The following SLC44A2 variants were observed in gnomAD, a reference collection of about 807,000 sequenced individuals.
SLC44A2 encodes solute carrier family 44 member 2 (CTL2 blood group), also known as choline transporter-like protein 2.
SLC44A2 carries 57 observed loss-of-function variants against 90.8 expected under a neutral mutation model. The observed-to-expected ratio is 0.63, with a 90% confidence interval of 0.51 to 0.78. The LOEUF (loss-of-function observed/expected upper bound fraction) is 0.78. Among genes scored for constraint, SLC44A2 ranks in the 30% least tolerant of loss-of-function variants. SLC44A2 has a pLI of 0.00. For missense variants in SLC44A2, 794 were observed against 919.7 expected, an observed-to-expected ratio of 0.86 and a Z score of 1.77; for synonymous variants, 355 against 360.7, an observed-to-expected ratio of 0.98 and a Z score of 0.18.
upstream of SLC44A2, among the ~76,000 whole-genome samples, chr19:10,622,155 A>G (rs1009478278): frequency 1.3e-5 from 2 of 152,228 alleles, no homozygotes; most frequent in African/African-American, 4.8e-5. Flanking sequence ...CAGCTAGTGC[A>G]AAGGCCCTGA....
At chr19:10,604,714 G>A (rs970747828) in intron 1 of SLC44A2, among the ~76,000 whole-genome samples, 1 of 152,078 alleles carries the variant, frequency 6.6e-6, no homozygotes, top group Admixed American at 6.6e-5. Context: ...CACACTCACT[G>A]GTGGGGGAAG....
chr19:10,620,128 A>G (rs1401498554), intron 1 of SLC44A2, among the ~76,000 whole-genome samples: 1 of 151,988 alleles, frequency 6.6e-6, no homozygotes, highest in Non-Finnish European at 1.5e-5. Context: ...GTGAGCCAAG[A>G]TTGTTTCACC....
Position 10,637,859 on chromosome 19 carries a change from G to A in SLC44A2, c.1699G>A (p.Ala567Thr). ...TCTCCCTCCCACTCTCCTCCAGATT[G>A]CCATCTACGGCACCAATTTCTGCAC... ...FLNRNAYIMI[A>T]IYGTNFCTSA... Residue 567 changes from alanine to threonine, a missense_variant, in exon 18 of 22, where the codon GCC becomes ACC. Transcript: ENST00000335757. 6.2e-7 allele frequency: 1 copy of A among 1,614,076 alleles called. No individual in the cohort carries two copies. The highest frequency in any genetic ancestry group is 8.5e-7 in the Non-Finnish European group (1 of 1,180,018).
intron 1 of SLC44A2, among the ~76,000 whole-genome samples, chr19:10,613,581 T>TCATGCCTGTAGTTCAAG (rs1370387139): frequency 2.0e-5 from 3 of 152,110 alleles, no homozygotes; most frequent in Non-Finnish European, 4.4e-5. Flanking sequence ...GTGTAGTGGC[T>TCATGCCTGTAGTTCAAG]CATGCCTGTA....
intron 16 of SLC44A2, chr19:10,637,213 G>A (rs2067067061): frequency 1.4e-5 from 3 of 216,404 alleles, no homozygotes; most frequent in South Asian, 1.3e-4. Flanking sequence ...AGCCAGGCAT[G>A]GTGGTGTGTG....
At chr19:10,629,989 A>G (rs1250101569) in intron 4 of SLC44A2, among the ~76,000 whole-genome samples, 1 of 152,116 alleles carries the variant, frequency 6.6e-6, no homozygotes, top group East Asian at 1.9e-4. Flanking sequence ...TCCTGACCTC[A>G]GGTGATCCGC....
At chr19:10,615,626 AGGAAGG>A (rs1286961316) in intron 1 of SLC44A2, among the ~76,000 whole-genome samples, 5 of 147,836 alleles carry the variant, frequency 3.4e-5, no homozygotes, top group African/African-American at 1.0e-4. Flanking sequence ...GAAGAGGAAG[AGGAAGG>A]GGAGGGGTTG....
intron 1 of SLC44A2, among the ~76,000 whole-genome samples, chr19:10,620,008 C>CA (rs950559467): frequency 9.3e-5 from 14 of 150,850 alleles, no homozygotes; most frequent in Admixed American, 2.0e-4. Flanking sequence ...CCTGTCTCTA[C>CA]AAAAAAAAAT....
In SLC44A2 at chr19:10,631,927, C is replaced by T. The variant is rs1207993110; in HGVS notation, c.686C>T (p.Thr229Ile). Residue 229 changes from threonine (T) to isoleucine (I), a missense_variant, in exon 9 of 22, where the codon ACC (threonine) becomes ATC (isoleucine). Coordinates refer to ENST00000335757, the MANE Select transcript of SLC44A2 (RefSeq NM_020428.4). ...QLAMRIFEDY[T>I]VSWYWIIIGL... The stretch of plus-strand genomic sequence containing the variant: ...GCCATGCGCATATTTGAAGATTACA[C>T]CGTCTCTTGGTACTGGATTATCATG... 3.1e-6 allele frequency: 5 copies of T among 1,614,104 alleles called. No individual in the cohort carries two copies. The highest frequency in any genetic ancestry group is 4.2e-6 in the Non-Finnish European group (5 of 1,180,038).
At chr19:10,609,376 T>G (rs189933717) in intron 1 of SLC44A2, among the ~76,000 whole-genome samples, 74 of 152,198 alleles carry the variant, frequency 4.9e-4, no homozygotes, top group African/African-American at 1.6e-3. Flanking sequence ...CTCAGCTCAC[T>G]GCAACCTCCG....
intron 9 of SLC44A2, 43 bp from the exon 10 acceptor site, chr19:10,632,001 G>A (rs1244022876): frequency 1.2e-6 from 2 of 1,613,056 alleles, no homozygotes; most frequent in African/African-American, 2.7e-5. Flanking sequence ...CTCTAAGCCT[G>A]GCTGAGGGTG....
chr19:10,618,518 T>C (rs1257621600), intron 1 of SLC44A2, among the ~76,000 whole-genome samples: 15 of 130,860 alleles, frequency 1.1e-4, no homozygotes, highest in African/African-American at 4.2e-4. Flanking sequence ...CGTGCTCTGT[T>C]GCCCAGGCTG....
At position 10,643,113 on chromosome 19, in the gene SLC44A2, C is replaced by T. The variant is rs2067136318; in HGVS notation, c.2015-166C>T. 6.9e-6 allele frequency: 10 copies of T among 1,450,602 alleles called. No homozygotes were observed. In the East Asian group the frequency reaches 2.5e-4, roughly 36 times the overall value. The allele number at this position is 1,450,602 out of a possible 1,614,324, so 89.9% of individuals were successfully genotyped here. Reference sequence around the variant, plus strand: ...TTCCTGGCCTGCGAGTGTGGGGATCCTGTGTGTCCCTCGGAGCCCACTACA... The same window carrying T: ...TTCCTGGCCTGCGAGTGTGGGGATCTTGTGTGTCCCTCGGAGCCCACTACA... On this transcript the variant is annotated intron_variant, in intron 21 of 21. Transcript: ENST00000335757.
intron 1 of SLC44A2, among the ~76,000 whole-genome samples, chr19:10,613,273 G>A (rs1184744334): frequency 3.4e-4 from 51 of 148,158 alleles, no homozygotes; most frequent in African/African-American, 1.2e-3. Context: ...TTTTTGAGAT[G>A]GAGTCTTGCT....
chr19:10,637,750 G>T lies in SLC44A2; in HGVS notation c.1695+3G>T, dbSNP rs1353648272. On this transcript the variant is annotated splice_donor_region_variant and intron_variant, in intron 17 of 21. Coordinates refer to ENST00000335757, the MANE Select transcript of SLC44A2 (RefSeq NM_020428.4). ...TTAATAGGAATGCCTACATCATGGT[G>T]AGTGGGCCTGGGACCCCCAACCAAC... 2 of 1,613,420 alleles carry T rather than the reference G, an allele frequency of 1.2e-6. No homozygotes were observed. Among genetic ancestry groups the T allele is most frequent in the East Asian group, 4.5e-5 (2 of 44,886 alleles).
chr19:10,634,918 C>T (rs200012187), intron 11 of SLC44A2, 31 bp downstream of exon 11: 18 of 1,614,190 alleles, frequency 1.1e-5, no homozygotes, highest in Admixed American at 1.7e-5. Flanking sequence ...CCTGCCCCCA[C>T]ATGAGGCCTT....
In SLC44A2 at chr19:10,643,328, G is replaced by A. The variant is rs758919216; in HGVS notation, c.2064G>A (p.Met688Ile). Reference sequence around the variant, plus strand: ...GCTCGGCCGAGAGGCCTTACTTCATGTCTTCCACCCTCAAGAAACTCTTGA... The same window carrying A: ...GCTCGGCCGAGAGGCCTTACTTCATATCTTCCACCCTCAAGAAACTCTTGA... ...NDGSAERPYF[M>I]SSTLKKLLNK... Residue 688 changes from methionine (M) to isoleucine (I), a missense_variant, in exon 22 of 22, where the codon ATG becomes ATA. Around this residue, in one of 3 missense-constraint regions of SLC44A2, gnomAD observed 44 missense variants for 43.9 expected, o/e 1.00. Transcript: ENST00000335757. The A allele has an allele frequency of 6.2e-7, 1 of 1,612,630 alleles. No individual in the cohort carries two copies. The highest frequency in any genetic ancestry group is 1.7e-5 in the Admixed American group (1 of 59,844).
intron 1 of SLC44A2, among the ~76,000 whole-genome samples, chr19:10,611,911 A>G (rs1276240687): frequency 6.6e-6 from 1 of 152,194 alleles, no homozygotes; most frequent in Non-Finnish European, 1.5e-5. Flanking sequence ...AATTATAAGT[A>G]AGTCCTCAAG....
At chr19:10,624,971 CA>C (rs1404987415), upstream of SLC44A2, among the ~76,000 whole-genome samples, 1 of 151,758 alleles carries the variant, frequency 6.6e-6, no homozygotes, top group East Asian at 1.9e-4. Flanking sequence ...CCCATCTCTA[CA>C]AAAAAAATTA....
Sources: allele counts gnomAD v4.1 joint callset (sites outside exome capture counted in the v4.1 genomes callset), GRCh38; gene constraint gnomAD v4.1.1; regional missense constraint gnomAD v4.1.1; transcripts MANE v1.5; gene names NCBI Gene and HGNC (gene_info 2026-07-23, HGNC 2026-07-21).